The following VPS13C variants were observed in gnomAD, a reference collection of about 807,000 sequenced individuals.
VPS13C encodes the protein intermembrane lipid transfer protein VPS13C.
In VPS13C, 358 loss-of-function variants were observed where a neutral mutation model predicts 456.8. The observed-to-expected ratio is 0.78, with a 90% CI of 0.72 to 0.86. The LOEUF (loss-of-function observed/expected upper bound fraction) is 0.86. Among genes scored for constraint, VPS13C ranks in the 40% least tolerant of loss-of-function variants. The pLI, the probability that VPS13C is intolerant of heterozygous loss-of-function variation, is 0.00. For missense variants in VPS13C, 4,818 were observed against 4,385.4 expected (o/e 1.10, Z -2.79); for synonymous variants, 1,578 against 1,486.7 (o/e 1.06, Z -1.41).
At chr15:61,932,946 T>C (rs2140230026) in intron 49 of VPS13C, among the ~76,000 whole-genome samples, 1 of 152,124 alleles carries the variant, frequency 6.6e-6, no homozygotes, top group East Asian at 1.9e-4. Flanking sequence ...TGTTTATTAG[T>C]GGAAAGGGAA....
intron 3 of VPS13C, among the ~76,000 whole-genome samples, chr15:62,037,609 C>G (rs2048108889): frequency 7.0e-6 from 1 of 142,262 alleles, no homozygotes; most frequent in East Asian, 2.0e-4. Context: ...TTTTAGATGT[C>G]TATAACTTCC....
In VPS13C at chr15:62,060,431, G is replaced by T; in HGVS notation, c.-57C>A. The T allele has an allele frequency of 2.3e-6, 2 of 886,560 alleles. No individual in the cohort carries two copies. Among genetic ancestry groups the T allele is most frequent in the Non-Finnish European group, 3.5e-6 (2 of 568,412 alleles). The allele number at this position is 886,560 out of a possible 1,614,324, so 54.9% of individuals were successfully genotyped here. On this transcript the variant is annotated 5_prime_UTR_variant, in exon 1 of 85. Coordinates refer to ENST00000644861, the MANE Select transcript of VPS13C (RefSeq NM_020821.3). ...CCGGAACCGCCCGGCGCAGCTGAGG[G>T]CTGCGACCAGCGCTGCAAATGACAG...
chr15:61,976,594 T>C (rs374153544), intron 24 of VPS13C, among the ~76,000 whole-genome samples: 1 of 152,014 alleles, frequency 6.6e-6, no homozygotes, highest in African/African-American at 2.4e-5. Context: ...CACGGCTATA[T>C]AGCTAAGGCA....
chr15:62,015,997 A>C (rs1211576298), intron 9 of VPS13C, among the ~76,000 whole-genome samples: 2 of 142,788 alleles, frequency 1.4e-5, no homozygotes, highest in African/African-American at 5.1e-5. Flanking sequence ...AGTTTCCTTC[A>C]CTGCCTTTCC....
rs539689289 is a variant in VPS13C at position 61,876,436 on chromosome 15, A to G, written c.10224+537T>C. ...TAATAACCAAAACAAAAAAAAGGGA[A>G]AACATATCCTCATTTTAACATGTAA... On this transcript the variant is annotated intron_variant, in intron 75 of 84. Transcript: ENST00000644861. Among the ~76,000 whole-genome samples, 6 of 152,180 alleles carry G rather than the reference A, an allele frequency of 3.9e-5. No individual in the cohort carries two copies. In the East Asian group the frequency reaches 1.2e-3, roughly 29 times the overall value.
chr15:61,867,676 C>G lies in VPS13C; in HGVS notation c.10863+983G>C. On this transcript the variant is annotated intron_variant, in intron 81 of 84. Coordinates refer to ENST00000644861, the MANE Select transcript of VPS13C (RefSeq NM_020821.3). The surrounding 1 kb of genome is among the most constrained non-coding windows in gnomAD (Gnocchi z 5.0). The stretch of plus-strand genomic sequence containing the variant: ...TCAATAAAGGCTTTCATCTATTAAA[C>G]GCAGAAGAGAGCTGATTCTCTGCAT... 7.8e-7 allele frequency: 1 copy of G among 1,285,092 alleles called. No homozygotes were observed. Among genetic ancestry groups the G allele is most frequent in the Non-Finnish European group, 9.9e-7 (1 of 1,014,800 alleles). 79.6% of individuals were successfully genotyped at this position (1,285,092 alleles called of 1,614,324 possible).
At chr15:62,011,193 T>C (rs1175980885) in intron 12 of VPS13C, among the ~76,000 whole-genome samples, 1 of 152,104 alleles carries the variant, frequency 6.6e-6, no homozygotes, top group African/African-American at 2.4e-5. Flanking sequence ...AGGTGATAAA[T>C]TTTAACTGTG....
At chr15:62,000,330 A>G (rs2046564969) in intron 16 of VPS13C, among the ~76,000 whole-genome samples, 1 of 152,180 alleles carries the variant, frequency 6.6e-6, no homozygotes, top group Admixed American at 6.5e-5. Flanking sequence ...ACGCCACTGC[A>G]TCCCAGCCCG....
intron 52 of VPS13C, among the ~76,000 whole-genome samples, chr15:61,926,385 G>C (rs950782628): frequency 6.6e-6 from 1 of 152,250 alleles, no homozygotes; most frequent in Non-Finnish European, 1.5e-5. Flanking sequence ...AGGTGACGGA[G>C]TGAGACCCTT....
chr15:62,012,221 GACACACACAC>G lies in VPS13C; in HGVS notation c.826-67_826-58del, dbSNP rs67220908. On this transcript the variant is annotated intron_variant, in intron 11 of 84. Transcript: ENST00000644861. ...GAAAATGCACACATATTCAGACTCAGACACACACACACACACACACACACACACACACACA... is the reference window on the plus strand; with the variant it reads ...GAAAATGCACACATATTCAGACTCAGACACACACACACACACACACACACA... 269 of 510,630 alleles carry G rather than the reference GACACACACAC, an allele frequency of 5.3e-4. 1 individual carries two copies. The highest frequency in any genetic ancestry group is 1.3e-3 in the East Asian group (34 of 27,080). 31.6% of individuals were successfully genotyped at this position (510,630 alleles called of 1,614,324 possible).
At chr15:62,028,016 A>G (rs2047695080) in intron 6 of VPS13C, among the ~76,000 whole-genome samples, 1 of 152,096 alleles carries the variant, frequency 6.6e-6, no homozygotes. Flanking sequence ...CTTAATTCAG[A>G]AACTACTGAA....
rs759128247 is a variant in VPS13C, at chr15:61,981,583, G to A, written c.2030-105C>T. On this transcript the variant is annotated intron_variant, in intron 21 of 84. Coordinates refer to ENST00000644861, the MANE Select transcript of VPS13C (RefSeq NM_020821.3). ...TTTTACTTGAAAAGTATTACAGGTC[G>A]GGTGCGGTGGCTCACGCCTGTCATC... is the stretch of plus-strand genomic sequence containing the variant. 39 of 1,218,948 alleles carry A rather than the reference G, an allele frequency of 3.2e-5. No individual in the cohort carries two copies. In the Middle Eastern group the frequency reaches 9.2e-4, roughly 29 times the overall value. The allele number at this position is 1,218,948 out of a possible 1,614,324, so 75.5% of individuals were successfully genotyped here. A position where few individuals can be genotyped will look rare whatever the true frequency, so the allele number is the denominator to read the frequency against.
At chr15:62,017,157 T>C (rs2047283538) in intron 9 of VPS13C, among the ~76,000 whole-genome samples, 1 of 152,222 alleles carries the variant, frequency 6.6e-6, no homozygotes, top group South Asian at 2.1e-4. Flanking sequence ...CTAAATTTGT[T>C]TGAGTTCTTT....
In VPS13C at chr15:61,912,012, A is replaced by C; in HGVS notation, c.8551-8T>G. ...TTTGATGCTAACACCAACCTGTGGA[A>C]AGGAAAAAAGCTTATTTTCCAGTTT... is the stretch of plus-strand genomic sequence containing the variant. On this transcript the variant is annotated splice_region_variant and splice_polypyrimidine_tract_variant and intron_variant, in intron 62 of 84. Transcript: ENST00000644861. The C allele has an allele frequency of 6.4e-7, 1 of 1,565,984 alleles. No individual in the cohort carries two copies. Among genetic ancestry groups the C allele is most frequent in the Non-Finnish European group, 8.7e-7 (1 of 1,154,726 alleles).
intron 82 of VPS13C, among the ~76,000 whole-genome samples, chr15:61,861,690 T>C (rs1354979620): frequency 2.0e-5 from 3 of 151,950 alleles, no homozygotes; most frequent in Non-Finnish European, 2.9e-5. Flanking sequence ...AAAAAGAAAA[T>C]GTTATTTTTA....
intron 53 of VPS13C, 118 bp downstream of exon 53, chr15:61,925,338 G>A (rs1487658589): frequency 2.1e-6 from 1 of 476,294 alleles, no homozygotes; most frequent in Non-Finnish European, 3.6e-6. Context: ...TACTGAATAT[G>A]TGACTAGCAT....
chr15:61,940,721 G>T lies in VPS13C; in HGVS notation c.5527C>A (p.Gln1843Lys). The T allele has an allele frequency of 1.2e-6, 2 of 1,613,886 alleles. No homozygotes were observed. Among genetic ancestry groups the T allele is most frequent in the Non-Finnish European group, 1.7e-6 (2 of 1,179,914 alleles). ...LKPVNMLLSIQRNLAAAWYVQ... is the reference protein window; with the variant it reads ...LKPVNMLLSIKRNLAAAWYVQ... ...TACCATGCTGCTGCTAAGTTTCGCT[G>T]TATGGACAAAAGCATGTTGACTGGT... The change falls in exon 47 of 85, where the codon CAG becomes AAG. Residue 1843 changes from glutamine to lysine, a missense_variant. Coordinates refer to ENST00000644861, the MANE Select transcript of VPS13C (RefSeq NM_020821.3).
chr15:61,877,139 TA>T, intron 74 of VPS13C, 85 bp from the exon 75 acceptor site: 1 of 959,602 alleles, frequency 1.0e-6, no homozygotes, highest in Non-Finnish European at 1.5e-6. Context: ...CAGCTAATGC[TA>T]ATCATAGCCA....
At position 61,910,181 on chromosome 15, in the gene VPS13C, T is replaced by A. The variant is rs760396489; in HGVS notation, c.8840A>T (p.Asp2947Val). The A allele has an allele frequency of 3.9e-5, 53 of 1,360,498 alleles. No homozygotes were observed. The highest frequency in any genetic ancestry group is 4.8e-5 in the Non-Finnish European group (51 of 1,052,452). The allele number at this position is 1,360,498 out of a possible 1,614,324, so 84.3% of individuals were successfully genotyped here. A position where few individuals can be genotyped will look rare whatever the true frequency, so the allele number is the denominator to read the frequency against. ...QDNGTLLSLEDLNGGILVDVN... is the reference protein window; with the variant it reads ...QDNGTLLSLEVLNGGILVDVN... ...AAATAAAATATGAAAACTTACCAGATCTTCTAAGCTCAATAAAGTGCCATT... is the reference window on the plus strand; with the variant it reads ...AAATAAAATATGAAAACTTACCAGAACTTCTAAGCTCAATAAAGTGCCATT... Residue 2947 changes from aspartate (D) to valine (V), a missense_variant, in exon 64 of 85, where the codon GAT (aspartate) becomes GTT (valine). By Grantham distance (152) the Asp-to-Val change is radical. This residue lies in a region of VPS13C where 4,552 missense variants were observed against 4,130.6 expected (regional missense o/e 1.10). Coordinates refer to ENST00000644861, the MANE Select transcript of VPS13C (RefSeq NM_020821.3).
Sources: allele counts gnomAD v4.1 joint callset (sites outside exome capture counted in the v4.1 genomes callset), GRCh38; gene constraint gnomAD v4.1.1; regional missense constraint gnomAD v4.1.1; non-coding constraint Gnocchi (gnomAD v3.1); transcripts MANE v1.5; gene names NCBI Gene and HGNC (gene_info 2026-07-23, HGNC 2026-07-21).